Variants in C1QTNF3 observed in about 807,000 individuals in gnomAD.
C1QTNF3 encodes C1q and TNF related 3.
Under a neutral mutation model 32.6 loss-of-function variants are expected in C1QTNF3, and 26 were observed. The observed-to-expected ratio is 0.80, with a 90% confidence interval of 0.58 to 1.11. The LOEUF (loss-of-function observed/expected upper bound fraction) is 1.11. C1QTNF3 is among the 50% of genes least tolerant of loss of function. The probability of loss-of-function intolerance (pLI) is 0.00; values close to 1 mark genes in which losing one functional copy is unlikely to be tolerated. For missense variants in C1QTNF3, 362 were observed against 398.2 expected (o/e 0.91, Z 0.77); for synonymous variants, 155 against 146.0 (o/e 1.06, Z -0.44).
the C1QTNF3 span, among the ~76,000 whole-genome samples, chr5:34,058,577 T>C: frequency 6.6e-6 from 1 of 152,108 alleles, no homozygotes; most frequent in Non-Finnish European, 1.5e-5. Flanking sequence ...GTCAGACAAA[T>C]GATAGGCTGG....
the C1QTNF3 span, among the ~76,000 whole-genome samples, chr5:34,176,480 T>A: frequency 6.6e-6 from 1 of 151,670 alleles, no homozygotes; most frequent in Non-Finnish European, 1.5e-5. Flanking sequence ...AAAAAAAACA[T>A]CAATTAGTAA....
At chr5:34,182,514 TAAATAAA>T in the C1QTNF3 span, among the ~76,000 whole-genome samples, 6 of 138,030 alleles carry the variant, frequency 4.3e-5, no homozygotes, top group African/African-American at 2.1e-4. Flanking sequence ...AATAAATAAA[TAAATAAA>T]AAATCTGGGC....
chr5:34,074,255 G>A, the C1QTNF3 span, among the ~76,000 whole-genome samples: 1 of 151,718 alleles, frequency 6.6e-6, no homozygotes, highest in Non-Finnish European at 1.5e-5. Context: ...CTTGGAGCAG[G>A]AGCCCAGTTA....
At chr5:34,169,628 G>C in the C1QTNF3 span, among the ~76,000 whole-genome samples, 1 of 151,888 alleles carries the variant, frequency 6.6e-6, no homozygotes, top group African/African-American at 2.4e-5. Context: ...TGTTTTTCTT[G>C]TTTGTTTTTA....
chr5:34,064,265 C>T, the C1QTNF3 span, among the ~76,000 whole-genome samples: 4 of 152,296 alleles, frequency 2.6e-5, no homozygotes, highest in South Asian at 4.1e-4. Flanking sequence ...TTACTCACCA[C>T]TTTGAAGAAT....
At chr5:34,186,163 A>G in the C1QTNF3 span, among the ~76,000 whole-genome samples, 1 of 152,310 alleles carries the variant, frequency 6.6e-6, no homozygotes, top group African/African-American at 2.4e-5. Flanking sequence ...ACATGATAGA[A>G]GCAATGGCTT....
the C1QTNF3 span, among the ~76,000 whole-genome samples, chr5:34,213,899 C>T: frequency 7.2e-6 from 1 of 139,820 alleles, no homozygotes; most frequent in Non-Finnish European, 1.5e-5. Context: ...GCAACCTCCG[C>T]TTCCAAGGTT....
chr5:34,171,921 G>T, the C1QTNF3 span, among the ~76,000 whole-genome samples: 11 of 151,932 alleles, frequency 7.2e-5, no homozygotes, highest in African/African-American at 2.7e-4. Context: ...AATCATTGTG[G>T]GTATATTTAT....
chr5:34,131,044 A>AT, the C1QTNF3 span, among the ~76,000 whole-genome samples: 12 of 152,378 alleles, frequency 7.9e-5, no homozygotes, highest in Admixed American at 5.9e-4. Flanking sequence ...GGCCTTAAGA[A>AT]TGTTAAGTTT....
At chr5:34,199,416 TATTA>T in the C1QTNF3 span, among the ~76,000 whole-genome samples, 1 of 151,526 alleles carries the variant, frequency 6.6e-6, no homozygotes, top group African/African-American at 2.4e-5. Flanking sequence ...GTGTTTGTTT[TATTA>T]ATCAAATTAA....
the C1QTNF3 span, among the ~76,000 whole-genome samples, chr5:34,082,038 C>T: frequency 6.6e-6 from 1 of 151,690 alleles, no homozygotes; most frequent in Non-Finnish European, 1.5e-5. Context: ...GAAATTTGAG[C>T]AACCTTGACC....
chr5:34,240,075 A>C, the C1QTNF3 span, among the ~76,000 whole-genome samples: 1 of 151,988 alleles, frequency 6.6e-6, no homozygotes, highest in Non-Finnish European at 1.5e-5. Context: ...AAATTTTAAG[A>C]AAGTGAAATT....
At chr5:34,106,215 T>G in the C1QTNF3 span, 1 of 151,504 alleles carries the variant, frequency 6.6e-6, no homozygotes, top group Non-Finnish European at 1.5e-5. Context: ...TAGCCAAAAA[T>G]AGTAATTAAA....
the C1QTNF3 span, among the ~76,000 whole-genome samples, chr5:34,054,346 T>G: frequency 6.6e-6 from 1 of 152,186 alleles, no homozygotes; most frequent in Non-Finnish European, 1.5e-5. Flanking sequence ...CAGTTCTGTA[T>G]CTCAGTTCCC....
the C1QTNF3 span, chr5:34,167,124 A>C: frequency 6.6e-6 from 1 of 151,848 alleles, no homozygotes; most frequent in Admixed American, 6.6e-5. Context: ...GCCTTTTGTA[A>C]ATATATAATT....
the C1QTNF3 span, among the ~76,000 whole-genome samples, chr5:34,221,938 G>A: frequency 2.6e-5 from 4 of 151,942 alleles, no homozygotes; most frequent in Admixed American, 6.6e-5. Flanking sequence ...CATTTCTTAG[G>A]GGCTGAGGAA....
the C1QTNF3 span, chr5:34,166,809 G>C: frequency 1.3e-5 from 2 of 151,066 alleles, no homozygotes; most frequent in Admixed American, 6.6e-5. Context: ...ATGACATAGT[G>C]AGAGTTATGA....
At chr5:34,167,227 A>C in the C1QTNF3 span, 2 of 152,086 alleles carry the variant, frequency 1.3e-5, no homozygotes, top group Non-Finnish European at 2.9e-5. Flanking sequence ...TCCACACTCT[A>C]AATTCTCTCC....
At chr5:34,112,986 C>CA in the C1QTNF3 span, among the ~76,000 whole-genome samples, 1 of 151,352 alleles carries the variant, frequency 6.6e-6, no homozygotes, top group Non-Finnish European at 1.5e-5. Context: ...GAGGGAAAGA[C>CA]AAAGATAATC....
Sources: allele counts gnomAD v4.1 joint callset (sites outside exome capture counted in the v4.1 genomes callset), GRCh38; gene constraint gnomAD v4.1.1; transcripts MANE v1.5; gene names NCBI Gene and HGNC (gene_info 2026-07-23, HGNC 2026-07-21).